The following BRWD1 variants were observed in gnomAD, a reference collection of about 807,000 sequenced individuals.
BRWD1 encodes bromodomain and WD repeat-containing protein 1.
BRWD1 carries 82 observed loss-of-function variants against 251.2 expected under a neutral mutation model. The ratio of observed to expected loss-of-function variants is 0.33; its 90% CI spans 0.27 to 0.39. The LOEUF (loss-of-function observed/expected upper bound fraction) is 0.39. BRWD1 is among the 10% of genes least tolerant of loss of function. The pLI is 1.00. For missense variants in BRWD1, 2,233 were observed against 2,711.6 expected (o/e 0.82, Z 3.92); for synonymous variants, 918 against 902.8 (o/e 1.02, Z -0.30).
At chr21:39,226,405 A>G (rs1317133582) in intron 27 of BRWD1, among the ~76,000 whole-genome samples, 1 of 152,202 alleles carries the variant, frequency 6.6e-6, no homozygotes, top group African/African-American at 2.4e-5. Context: ...GTCTGGTCCA[A>G]TAATTTCTCA....
chr21:39,266,067 G>T (rs192852250), intron 15 of BRWD1, among the ~76,000 whole-genome samples: 1 of 151,988 alleles, frequency 6.6e-6, no homozygotes, highest in Non-Finnish European at 1.5e-5. Flanking sequence ...TAAATGTTAC[G>T]CGTTCGGTGT....
At position 39,190,131 on chromosome 21, in the gene BRWD1, T is replaced by G; in HGVS notation, c.*6128A>C. On this transcript the variant is annotated 3_prime_UTR_variant, in exon 41 of 41. Transcript: ENST00000342449. ...CAGATATGTGTGTATTCTAAGATGGTATATGTGGTGAATAGAAACCTGGAT... is the reference window on the plus strand; with the variant it reads ...CAGATATGTGTGTATTCTAAGATGGGATATGTGGTGAATAGAAACCTGGAT... 1.0e-6 allele frequency: 1 copy of G among 985,122 alleles called. No homozygotes were observed. Among genetic ancestry groups the G allele is most frequent in the Non-Finnish European group, 1.2e-6 (1 of 829,656 alleles). The allele number at this position is 985,122 out of a possible 1,614,324, so 61.0% of individuals were successfully genotyped here. A position where few individuals can be genotyped will look rare whatever the true frequency, so the allele number is the denominator to read the frequency against.
At chr21:39,248,187 A>G (rs763070121) in intron 20 of BRWD1, among the ~76,000 whole-genome samples, 1 of 152,222 alleles carries the variant, frequency 6.6e-6, no homozygotes, top group African/African-American at 2.4e-5. Context: ...GCAGTAAGCA[A>G]CTTCTCAAGG....
chr21:39,313,816 A>G, upstream of BRWD1: 1 of 357,024 alleles, frequency 2.8e-6, no homozygotes, highest in African/African-American at 2.2e-5. Flanking sequence ...GGAGGCAAAG[A>G]CCTGGGCGCC....
chr21:39,314,850 C>G (rs1229946175), upstream of BRWD1: 2 of 158,218 alleles, frequency 1.3e-5, no homozygotes, highest in African/African-American at 4.8e-5. Context: ...CTGTGGGTCT[C>G]AGTGTTCCTT....
At chr21:39,298,183 ATC>A in intron 5 of BRWD1, 2 of 1,134,270 alleles carry the variant, frequency 1.8e-6, no homozygotes, top group Non-Finnish European at 2.2e-6. Context: ...CTCAAACAAC[ATC>A]TCAGAATAAA....
intron 20 of BRWD1, among the ~76,000 whole-genome samples, chr21:39,250,583 G>C (rs1252567841): frequency 1.3e-5 from 2 of 151,126 alleles, no homozygotes; most frequent in East Asian, 1.9e-4. Context: ...CAATACCATT[G>C]TTAGGCACTA....
chr21:39,294,453 C>T (rs1185370269), intron 7 of BRWD1, among the ~76,000 whole-genome samples: 2 of 151,250 alleles, frequency 1.3e-5, no homozygotes, highest in African/African-American at 2.4e-5. Context: ...GTCAGGAGAT[C>T]GAGACCATCC....
intron 1 of BRWD1, among the ~76,000 whole-genome samples, chr21:39,320,036 G>C: frequency 6.6e-6 from 1 of 152,140 alleles, no homozygotes; most frequent in Non-Finnish European, 1.5e-5. Flanking sequence ...ACACTGTGGA[G>C]GACATTCTAC....
chr21:39,253,677 T>C (rs1373173742), intron 19 of BRWD1, among the ~76,000 whole-genome samples: 1 of 152,226 alleles, frequency 6.6e-6, no homozygotes, highest in Non-Finnish European at 1.5e-5. Context: ...GAACAATATA[T>C]AAGTACTATC....
intron 32 of BRWD1, among the ~76,000 whole-genome samples, chr21:39,213,992 G>A (rs1357020489): frequency 6.6e-6 from 1 of 151,580 alleles, no homozygotes; most frequent in Non-Finnish European, 1.5e-5. Context: ...ACACACAGGA[G>A]AAAAAAAGAA....
In BRWD1 at chr21:39,199,395, A is replaced by C; in HGVS notation, c.5021T>G (p.Leu1674Ter). 6.2e-7 allele frequency: 1 copy of C among 1,614,262 alleles called. No homozygotes were observed. Residue 1674 changes from leucine to a stop codon, truncating the protein, a stop_gained, in exon 40 of 41, where the codon TTA (leucine) becomes TGA (stop). Coordinates refer to ENST00000342449, the MANE Select transcript of BRWD1 (RefSeq NM_033656.4). LOFTEE classifies it high-confidence loss of function. ...CTGTTCATCTTCAGAATTATGTAATAACTTTTTTCTAGCTACAGCAGAAGC... is the reference window on the plus strand; with the variant it reads ...CTGTTCATCTTCAGAATTATGTAATCACTTTTTTCTAGCTACAGCAGAAGC... ...RNASAVARKK[L>*]LHNSEDEQSL...
rs2034546071 is a variant in BRWD1, at chr21:39,255,848, A to T, written c.2072-20T>A. The T allele has an allele frequency of 6.2e-7, 1 of 1,604,634 alleles. No homozygotes were observed. Among genetic ancestry groups the T allele is most frequent in the South Asian group, 1.1e-5 (1 of 90,838 alleles). ...TAAAACCTAGGAAAATATGATGGGG[A>T]AGTGATTCCAATACACTTTTAAACT... On this transcript the variant is annotated intron_variant, in intron 18 of 40. Transcript: ENST00000342449.
chr21:39,309,045 G>A (rs2036380824), intron 4 of BRWD1, among the ~76,000 whole-genome samples: 1 of 152,002 alleles, frequency 6.6e-6, no homozygotes, highest in Admixed American at 6.6e-5. Context: ...ATAGTGGTGT[G>A]CGCCTGTAGT....
chr21:39,216,804 G>C (rs955256084), intron 31 of BRWD1: 4 of 278,626 alleles, frequency 1.4e-5, no homozygotes, highest in Non-Finnish European at 2.8e-5. Context: ...TAACTTTTAA[G>C]TTCAAGGGTA....
intron 4 of BRWD1, 186 bp downstream of exon 4, chr21:39,312,655 C>T: frequency 2.4e-6 from 1 of 423,000 alleles, no homozygotes; most frequent in Non-Finnish European, 4.3e-6. Flanking sequence ...CTGTTTCCTG[C>T]CAAAACAAAC....
At chr21:39,232,684 T>C (rs1467176979) in intron 23 of BRWD1, among the ~76,000 whole-genome samples, 186 bp from the exon 24 acceptor site, 2 of 152,214 alleles carry the variant, frequency 1.3e-5, no homozygotes, top group African/African-American at 2.4e-5. Flanking sequence ...TAAAAAAGCA[T>C]TGTAAATCTA....
At chr21:39,264,742 C>A in intron 16 of BRWD1, 57 bp from the exon 17 acceptor site, 1 of 1,496,360 alleles carries the variant, frequency 6.7e-7, no homozygotes, top group Non-Finnish European at 9.1e-7. Flanking sequence ...TTAAAGGAAA[C>A]AAATATTAAA....
intron 1 of BRWD1, among the ~76,000 whole-genome samples, chr21:39,320,667 C>CTTTTTT (rs35218849): frequency 1.0e-5 from 1 of 99,172 alleles, no homozygotes; most frequent in African/African-American, 4.1e-5. Context: ...AGAGTCATAT[C>CTTTTTT]TTTTTTTTTT....
Sources: gnomAD v4.1 joint callset for allele counts (sites outside exome capture counted in the v4.1 genomes callset) on GRCh38, gnomAD v4.1.1 for gene constraint, MANE v1.5 for transcripts, NCBI Gene and HGNC (gene_info 2026-07-23, HGNC 2026-07-21) for gene names.